The following ITPR2 variants were observed in gnomAD, a reference collection of about 807,000 sequenced individuals.
ITPR2 encodes the protein inositol 1,4,5-trisphosphate-gated calcium channel ITPR2.
Under a neutral mutation model 317.1 loss-of-function variants are expected in ITPR2, and 207 were observed. The observed-to-expected ratio is 0.65, with a 90% CI of 0.58 to 0.73. ITPR2 has a LOEUF of 0.73. Ranked by LOEUF, ITPR2 falls within the 30% of genes least tolerant of loss-of-function variation. ITPR2 has a pLI of 0.00. For missense variants in ITPR2, 2,613 were observed against 3,284.0 expected, an observed-to-expected ratio of 0.80 and a Z score of 4.99; for synonymous variants, 1,156 against 1,149.1, an observed-to-expected ratio of 1.01 and a Z score of -0.12.
intron 26 of ITPR2, among the ~76,000 whole-genome samples, chr12:26,605,087 C>CAAAA (rs201682839): frequency 1.5e-5 from 1 of 66,824 alleles, no homozygotes; most frequent in African/African-American, 4.8e-5. Flanking sequence ...GACTCAGTCT[C>CAAAA]AAAAAAAAAA....
intron 52 of ITPR2, among the ~76,000 whole-genome samples, chr12:26,410,626 A>G (rs1038444283): frequency 1.5e-4 from 23 of 152,130 alleles, no homozygotes; most frequent in African/African-American, 5.1e-4. Context: ...TCCTTTTTGT[A>G]TATGACAACC....
At chr12:26,531,183 C>A (rs929615521) in intron 37 of ITPR2, among the ~76,000 whole-genome samples, 18 of 152,184 alleles carry the variant, frequency 1.2e-4, no homozygotes, top group Non-Finnish European at 1.9e-4. Flanking sequence ...TTTCCTAATG[C>A]ACCTCACTGT....
chr12:26,770,472 A>T (rs1949819102), intron 2 of ITPR2, among the ~76,000 whole-genome samples: 1 of 152,084 alleles, frequency 6.6e-6, no homozygotes, highest in Non-Finnish European at 1.5e-5. Context: ...AGCCAATCAC[A>T]ATTCTCTTCT....
At chr12:26,716,385 CT>C in intron 5 of ITPR2, 143 bp from the exon 6 acceptor site, 1 of 584,760 alleles carries the variant, frequency 1.7e-6, no homozygotes, top group East Asian at 2.9e-5. Context: ...TCATACAATC[CT>C]TTTTCTCTTT....
chr12:26,513,876 T>C (rs1006961012), intron 37 of ITPR2, among the ~76,000 whole-genome samples: 5 of 152,190 alleles, frequency 3.3e-5, no homozygotes, highest in Non-Finnish European at 4.4e-5. Flanking sequence ...TCAGGCCACA[T>C]GTATGTCATC....
intron 2 of ITPR2, among the ~76,000 whole-genome samples, chr12:26,730,431 C>A (rs1036050384): frequency 3.3e-5 from 5 of 152,006 alleles, no homozygotes; most frequent in African/African-American, 9.7e-5. Flanking sequence ...ATTGACTCAG[C>A]GTCATTTTTT....
chr12:26,339,402 G>C lies in ITPR2; in HGVS notation c.8101C>G (p.His2701Asp), dbSNP rs775519352. The C allele has an allele frequency of 1.2e-6, 2 of 1,612,782 alleles. No individual in the cohort carries two copies. The highest frequency in any genetic ancestry group is 2.7e-5 in the African/African-American group (2 of 74,854). The change falls in exon 57 of 57, where the codon CAC (histidine) becomes GAC (aspartate). Residue 2701 changes from histidine to aspartate, a missense_variant. Physicochemically the swap from His to Asp is moderately conservative, Grantham distance 81. Coordinates refer to ENST00000381340, the MANE Select transcript of ITPR2 (RefSeq NM_002223.4). ...TPHVNHHMPP[H>D] Reference sequence around the variant, plus strand: ...CACGGCTTCCCCCCATGGTATCAGTGTGGTGGCATGTGATGATTCACATGG... The same window carrying C: ...CACGGCTTCCCCCCATGGTATCAGTCTGGTGGCATGTGATGATTCACATGG...
At chr12:26,408,043 G>T (rs180955438) in intron 52 of ITPR2, among the ~76,000 whole-genome samples, 1 of 152,182 alleles carries the variant, frequency 6.6e-6, no homozygotes, top group East Asian at 1.9e-4. Context: ...CTCTTAGAAA[G>T]GTCTCTCTGT....
intron 36 of ITPR2, among the ~76,000 whole-genome samples, chr12:26,550,634 T>G (rs1453583432): frequency 6.6e-6 from 1 of 152,126 alleles, no homozygotes; most frequent in Admixed American, 6.5e-5. Context: ...AATGAAATAC[T>G]AATATTCTCA....
At chr12:26,618,485 G>A (rs10506006) in intron 26 of ITPR2, among the ~76,000 whole-genome samples, 54,703 of 151,980 alleles carry the variant, frequency 0.36, 10,985 homozygotes, top group African/African-American at 0.55. Context: ...AAATCACAGC[G>A]GAGATAATAT....
At chr12:26,517,680 A>G (rs1050978673) in intron 37 of ITPR2, among the ~76,000 whole-genome samples, 4 of 152,140 alleles carry the variant, frequency 2.6e-5, no homozygotes, top group African/African-American at 9.7e-5. Flanking sequence ...TCTCCTAAAA[A>G]TACAAAAATT....
At chr12:26,653,679 C>T (rs192263530) in intron 21 of ITPR2, among the ~76,000 whole-genome samples, 2 of 152,320 alleles carry the variant, frequency 1.3e-5, no homozygotes, top group Admixed American at 6.5e-5. Context: ...TGACCACAAA[C>T]ATCAAGATGT....
At chr12:26,549,798 T>C (rs1163812017) in intron 37 of ITPR2, among the ~76,000 whole-genome samples, 2 of 151,930 alleles carry the variant, frequency 1.3e-5, no homozygotes, top group African/African-American at 2.4e-5. Context: ...TAAAATAGTA[T>C]TATTTTATAA....
chr12:26,494,256 TCTGATGCAC>T lies in ITPR2; in HGVS notation c.5258_5266del (p.Gly1753_Ser1755del). ...GTTCACTATAACATCGATGACAAGT[TCTGATGCAC>T]CTTCTTTATCCAGCAGACACTGAAT... On this transcript the variant is annotated inframe_deletion, in exon 39 of 57. Coordinates refer to ENST00000381340, the MANE Select transcript of ITPR2 (RefSeq NM_002223.4). 1 of 1,613,726 alleles carries T rather than the reference TCTGATGCAC, an allele frequency of 6.2e-7. No homozygotes were observed. Among genetic ancestry groups the T allele is most frequent in the Non-Finnish European group, 8.5e-7 (1 of 1,179,746 alleles).
intron 37 of ITPR2, among the ~76,000 whole-genome samples, chr12:26,536,987 G>C (rs1944112427): frequency 6.6e-6 from 1 of 152,204 alleles, no homozygotes; most frequent in South Asian, 2.1e-4. Context: ...GGAGAAAAGA[G>C]ACAGCACTTC....
chr12:26,385,677 G>A (rs1369003201), intron 55 of ITPR2, among the ~76,000 whole-genome samples: 1 of 151,998 alleles, frequency 6.6e-6, no homozygotes, highest in Non-Finnish European at 1.5e-5. Context: ...AGTGAAACTG[G>A]GCAACTCACG....
At chr12:26,643,783 A>G (rs1371036223) in intron 21 of ITPR2, among the ~76,000 whole-genome samples, 1 of 152,276 alleles carries the variant, frequency 6.6e-6, no homozygotes, top group Middle Eastern at 3.2e-3. Flanking sequence ...AAGTGTTGAC[A>G]GAACGTCTGG....
rs541688411 is a variant in ITPR2 at position 26,336,226 on chromosome 12, C to G, written c.*3171G>C. ...TCTCTCACCAACTCCCCAGCCTCCC[C>G]ACTCATTCTCAGTCCTGGGGACTGG... On this transcript the variant is annotated 3_prime_UTR_variant, in exon 57 of 57. Transcript: ENST00000381340. Among the ~76,000 whole-genome samples, 69 of 152,304 alleles carry G rather than the reference C, an allele frequency of 4.5e-4. No homozygotes were observed. Among genetic ancestry groups the G allele is most frequent in the African/African-American group, 1.6e-3 (68 of 41,566 alleles).
chr12:26,400,932 A>G (rs1330078282), intron 52 of ITPR2: 1 of 152,256 alleles, frequency 6.6e-6, no homozygotes. Context: ...GGGTTGTTTA[A>G]GAATTACCTT....
Sources: allele counts gnomAD v4.1 joint callset (sites outside exome capture counted in the v4.1 genomes callset), GRCh38; gene constraint gnomAD v4.1.1; transcripts MANE v1.5; gene names NCBI Gene and HGNC (gene_info 2026-07-23, HGNC 2026-07-21).